CRACD: variants seen among roughly 807,000 people sequenced by gnomAD.
CRACD encodes the protein capping protein-inhibiting regulator of actin dynamics.
In CRACD, 56 loss-of-function variants were observed where a neutral mutation model predicts 106.8. That is an observed-to-expected ratio of 0.52 (90% CI 0.42 to 0.66). The LOEUF (loss-of-function observed/expected upper bound fraction) is 0.66, where lower values mean the gene tolerates loss of function less well. CRACD is among the 30% of genes least tolerant of loss of function. The probability of loss-of-function intolerance (pLI) is 0.00; values close to 1 mark genes in which losing one functional copy is unlikely to be tolerated. For synonymous variants in CRACD, 754 were observed against 670.8 expected (o/e 1.12, Z -1.92); for missense variants, 1,730 against 1,623.2 (o/e 1.07, Z -1.13).
intron 1 of CRACD, among the ~76,000 whole-genome samples, chr4:56,145,495 A>G (rs1386189360): frequency 6.6e-6 from 1 of 152,210 alleles, no homozygotes; most frequent in Non-Finnish European, 1.5e-5. Context: ...TCCTGAAATG[A>G]GTGTTCAGTG....
chr4:56,123,280 C>A (rs540009618), intron 1 of CRACD, among the ~76,000 whole-genome samples: 4 of 152,276 alleles, frequency 2.6e-5, no homozygotes, highest in African/African-American at 9.6e-5. Context: ...GCGATTTAAA[C>A]AACAGACATT....
At chr4:56,099,050 G>A (rs1313823299) in intron 1 of CRACD, among the ~76,000 whole-genome samples, 1 of 152,174 alleles carries the variant, frequency 6.6e-6, no homozygotes, top group Non-Finnish European at 1.5e-5. Flanking sequence ...ATTAGAAACA[G>A]CATTTGTGTA....
At chr4:56,323,331 C>A in intron 8 of CRACD, 46 bp from the exon 9 acceptor site, 1 of 1,530,450 alleles carries the variant, frequency 6.5e-7, no homozygotes. Flanking sequence ...GAGGTAAGTC[C>A]GCAGTTAAGT....
At position 56,219,705 on chromosome 4, in the gene CRACD, A is replaced by G. The variant is rs546320472; in HGVS notation, c.-189+40275A>G. Among the ~76,000 whole-genome samples the G allele has an allele frequency of 3.3e-5, 5 of 152,290 alleles. No homozygotes were observed. In the South Asian group the frequency reaches 1.0e-3, roughly 32 times the overall value. Reference sequence around the variant, plus strand: ...TGGTCAAGGTTATGCAACTCATGTGATCTTGGAGAAGTATATTCACCTTTT... The same window carrying G: ...TGGTCAAGGTTATGCAACTCATGTGGTCTTGGAGAAGTATATTCACCTTTT... On this transcript the variant is annotated intron_variant, in intron 2 of 10. Transcript: ENST00000682029.
intron 5 of CRACD, among the ~76,000 whole-genome samples, chr4:56,310,174 C>A (rs952118283): frequency 6.6e-6 from 1 of 152,092 alleles, no homozygotes; most frequent in Non-Finnish European, 1.5e-5. Flanking sequence ...GTTTTCTTGG[C>A]CCCTCCCTGG....
At chr4:56,279,879 A>G (rs1258676857) in intron 3 of CRACD, among the ~76,000 whole-genome samples, 2 of 152,112 alleles carry the variant, frequency 1.3e-5, no homozygotes, top group East Asian at 3.9e-4. Flanking sequence ...AATAGCAAAG[A>G]CTTGGAACCA....
rs758272933 is a variant in CRACD at position 56,315,486 on chromosome 4, G to A, written c.1984G>A (p.Ala662Thr). Residue 662 changes from alanine (A) to threonine (T), a missense_variant, in exon 8 of 11, where the codon GCG becomes ACG. Physicochemically the swap from Ala to Thr is moderately conservative, Grantham distance 58 (BLOSUM62 0). This residue lies in a region of CRACD where 1,620 missense variants were observed against 1,481.6 expected (regional missense o/e 1.09). Transcript: ENST00000682029. This position sits in a 1 kb window ranked among gnomAD's most constrained non-coding sequence, Gnocchi z 4.1. The stretch of plus-strand genomic sequence containing the variant: ...GCCCCGCCAGGAGTCTCCCAGCAGC[G>A]CGTCCGCACTCGCAGAATGGGCTTC... ...AKPRQESPSSASALAEWASIR... is the reference protein window; with the variant it reads ...AKPRQESPSSTSALAEWASIR... 2.5e-6 allele frequency: 4 copies of A among 1,613,270 alleles called. No individual in the cohort carries two copies. The Admixed American group carries it at 5.0e-5, about 20-fold the overall frequency.
rs1466925587 is a variant in CRACD at position 56,268,869 on chromosome 4, A to C, written c.-188-3452A>C. On this transcript the variant is annotated intron_variant, in intron 2 of 10. Transcript: ENST00000682029. ...TGATTATAGTTCTTAAATATTATTC[A>C]TTGGAGATTTTATTGATAAGAACCT... Among the ~76,000 whole-genome samples the C allele has an allele frequency of 3.9e-5, 6 of 152,362 alleles. No individual in the cohort carries two copies. In the East Asian group the frequency reaches 1.2e-3, roughly 29 times the overall value.
intron 2 of CRACD, among the ~76,000 whole-genome samples, chr4:56,224,104 T>C (rs1463139804): frequency 6.6e-6 from 1 of 152,174 alleles, no homozygotes; most frequent in African/African-American, 2.4e-5. Flanking sequence ...TTGACAGAGC[T>C]AGTTTCTTTT....
chr4:56,197,879 G>A (rs1479819612), intron 2 of CRACD, among the ~76,000 whole-genome samples: 5 of 152,138 alleles, frequency 3.3e-5, no homozygotes, highest in Admixed American at 1.3e-4. Context: ...GGGTTTCACC[G>A]TGTTAGCCAG....
chr4:56,249,728 C>T (rs1231234409), intron 2 of CRACD, among the ~76,000 whole-genome samples: 6 of 152,172 alleles, frequency 3.9e-5, no homozygotes, highest in African/African-American at 1.4e-4. Context: ...CAGAGCCTTG[C>T]ACCCACCTGC....
rs550929320 is a variant in CRACD at position 56,083,867 on chromosome 4, C to T, written c.-336+34568C>T. ...TGGTGCACATCTGTAGTCCCAGCTA[C>T]TCTGGAGGCTGAGGCAGAAGGATCA... On this transcript the variant is annotated intron_variant, in intron 1 of 10. Coordinates refer to ENST00000682029, the MANE Select transcript of CRACD (RefSeq NM_001393381.1). Among the ~76,000 whole-genome samples, 3 of 152,236 alleles carry T rather than the reference C, an allele frequency of 2.0e-5. No homozygotes were observed. The South Asian group carries it at 6.2e-4, about 32-fold the overall frequency.
At chr4:56,065,403 A>G (rs1732433236) in intron 1 of CRACD, among the ~76,000 whole-genome samples, 1 of 152,046 alleles carries the variant, frequency 6.6e-6, no homozygotes, top group Non-Finnish European at 1.5e-5. Flanking sequence ...AGTCTTTATG[A>G]TCACTCAGGG....
intron 1 of CRACD, among the ~76,000 whole-genome samples, chr4:56,070,871 G>GTGTGTGTGTGTT (rs1560441895): frequency 6.6e-6 from 1 of 151,204 alleles, no homozygotes; most frequent in African/African-American, 2.4e-5. Context: ...GTGTGTGTGT[G>GTGTGTGTGTGTT]TGTGTGTGTG....
At chr4:56,221,274 A>G (rs1433911894) in intron 2 of CRACD, among the ~76,000 whole-genome samples, 2 of 152,186 alleles carry the variant, frequency 1.3e-5, no homozygotes, top group African/African-American at 4.8e-5. Flanking sequence ...CTATTGAAAT[A>G]CTTCACGGAA....
chr4:56,229,090 T>C (rs1005749011), intron 2 of CRACD, among the ~76,000 whole-genome samples: 1 of 152,210 alleles, frequency 6.6e-6, no homozygotes, highest in Non-Finnish European at 1.5e-5. Context: ...AGGAAGATTA[T>C]GCTTGCAGGC....
intron 2 of CRACD, among the ~76,000 whole-genome samples, chr4:56,226,353 A>G (rs188036754): frequency 3.3e-5 from 5 of 152,276 alleles, no homozygotes; most frequent in Admixed American, 2.6e-4. Context: ...CAGTCCTGGT[A>G]TATTGCGCTG....
chr4:56,310,691 G>C lies in CRACD; in HGVS notation c.311G>C (p.Ser104Thr). The C allele has an allele frequency of 6.2e-7, 1 of 1,612,034 alleles. No individual in the cohort carries two copies. Among genetic ancestry groups the C allele is most frequent in the Non-Finnish European group, 8.5e-7 (1 of 1,178,172 alleles). ...TCCAGTGATACGCCAAGTTCTCTAAGTCCTCTGAATCTCCCTGGAGCTGGA... is the reference window on the plus strand; with the variant it reads ...TCCAGTGATACGCCAAGTTCTCTAACTCCTCTGAATCTCCCTGGAGCTGGA... ...NKSSDTPSSL[S>T]PLNLPGAGSE... The change falls in exon 6 of 11, where the codon AGT becomes ACT. Residue 104 changes from serine (S) to threonine (T), a missense_variant. Physicochemically the swap from Ser to Thr is moderately conservative, Grantham distance 58 (BLOSUM62 1). Around this residue, in one of 5 missense-constraint regions of CRACD, gnomAD observed 1,620 missense variants for 1,481.6 expected, o/e 1.09. Transcript: ENST00000682029.
At chr4:56,176,026 G>A (rs1293842562) in intron 1 of CRACD, among the ~76,000 whole-genome samples, 1 of 152,136 alleles carries the variant, frequency 6.6e-6, no homozygotes, top group African/African-American at 2.4e-5. Flanking sequence ...ATCATTTATT[G>A]AAGAGACTGT....
Sources: gnomAD v4.1 joint callset for allele counts (sites outside exome capture counted in the v4.1 genomes callset) on GRCh38, gnomAD v4.1.1 for gene constraint, gnomAD v4.1.1 regional missense constraint, Gnocchi (gnomAD v3.1) non-coding constraint, MANE v1.5 for transcripts, NCBI Gene and HGNC (gene_info 2026-07-23, HGNC 2026-07-21) for gene names.